CHP1: variants seen among roughly 807,000 people sequenced by gnomAD.
CHP1 encodes the protein calcineurin like EF-hand protein 1.
A neutral mutation model predicts 27.4 loss-of-function variants in CHP1; 11 were observed. The observed-to-expected ratio is 0.40, with a 90% CI of 0.25 to 0.67. CHP1 has a LOEUF of 0.67. CHP1 is among the 30% of genes least tolerant of loss of function. The pLI, the probability that CHP1 is intolerant of heterozygous loss-of-function variation, is 0.38. For synonymous variants in CHP1, 89 were observed against 87.4 expected, an observed-to-expected ratio of 1.02 and a Z score of -0.10; for missense variants, 169 against 251.3, an observed-to-expected ratio of 0.67 and a Z score of 2.22.
intron 2 of CHP1, among the ~76,000 whole-genome samples, chr15:41,246,445 G>A (rs892744061): frequency 6.6e-6 from 1 of 151,042 alleles, no homozygotes; most frequent in African/African-American, 2.4e-5. Context: ...TCAGCTTCCT[G>A]AGTAGCTAGG....
At chr15:41,279,305 C>T in intron 6 of CHP1, 31 bp from the exon 7 acceptor site, 3 of 1,573,258 alleles carry the variant, frequency 1.9e-6, no homozygotes, top group South Asian at 1.1e-5. Flanking sequence ...TCTTCATAAC[C>T]TTTGTAACTG....
At position 41,279,362 on chromosome 15, in the gene CHP1, G is replaced by C. The variant is rs2047534848; in HGVS notation, c.561G>C (p.Gln187His). 3 of 1,613,626 alleles carry C rather than the reference G, an allele frequency of 1.9e-6. No homozygotes were observed. Among genetic ancestry groups the C allele is most frequent in the South Asian group, 2.2e-5 (2 of 91,060 alleles). Residue 187 changes from glutamine (Q) to histidine (H), a missense_variant, in exon 7 of 7, where the codon CAG (glutamine) becomes CAC (histidine). Physicochemically the swap from Gln to His is conservative, Grantham distance 24. Coordinates refer to ENST00000334660, the MANE Select transcript of CHP1 (RefSeq NM_007236.5). The stretch of plus-strand genomic sequence containing the variant: ...TTTTGGAGAAGGTGGATGTAGAACA[G>C]AAAATGAGCATCCGATTTCTTCACT... ...VKVLEKVDVE[Q>H]KMSIRFLH
chr15:41,281,751 G>A lies in CHP1; in HGVS notation c.*2362G>A, dbSNP rs1229869538. 6.6e-6 allele frequency: 1 copy of A among 152,582 alleles called. No individual in the cohort carries two copies. The highest frequency in any genetic ancestry group is 1.9e-4 in the East Asian group (1 of 5,200). The allele number at this position is 152,582 out of a possible 1,614,324, so 9.5% of individuals were successfully genotyped here. ...GAGGTACTTTAGAGGCTTCTTGATT[G>A]GCATAAAGTTCCTAAGGTTATAGAT... On this transcript the variant is annotated 3_prime_UTR_variant, in exon 7 of 7. Coordinates refer to ENST00000334660, the MANE Select transcript of CHP1 (RefSeq NM_007236.5).
chr15:41,263,067 A>G (rs1317020337), intron 4 of CHP1, among the ~76,000 whole-genome samples, 184 bp downstream of exon 4: 1 of 152,212 alleles, frequency 6.6e-6, no homozygotes, highest in Non-Finnish European at 1.5e-5. Flanking sequence ...GACTTTGGGC[A>G]AGGTACTTAA....
intron 2 of CHP1, among the ~76,000 whole-genome samples, chr15:41,249,212 C>T (rs1370489114): frequency 6.6e-6 from 1 of 152,144 alleles, no homozygotes; most frequent in Admixed American, 6.6e-5. Flanking sequence ...CAGGGTCTGA[C>T]TCTATTGCCC....
At chr15:41,240,855 T>C (rs1409898904) in intron 1 of CHP1, among the ~76,000 whole-genome samples, 1 of 127,400 alleles carries the variant, frequency 7.8e-6, no homozygotes, top group Non-Finnish European at 1.6e-5. Flanking sequence ...GGAAACTTAG[T>C]AATTCTTTTT....
chr15:41,234,366 C>T (rs549028847), intron 1 of CHP1: 2 of 152,272 alleles, frequency 1.3e-5, no homozygotes, highest in South Asian at 2.1e-4. Flanking sequence ...TTTCATCTGC[C>T]TTTTCTTCTA....
At chr15:41,267,947 A>AAAG (rs1555421284) in intron 4 of CHP1, among the ~76,000 whole-genome samples, 1 of 150,724 alleles carries the variant, frequency 6.6e-6, no homozygotes, top group Non-Finnish European at 1.5e-5. Context: ...AAAAAAAAAA[A>AAAG]GCATAAAAAA....
chr15:41,252,059 T>A (rs2047371465), intron 2 of CHP1, among the ~76,000 whole-genome samples: 1 of 152,040 alleles, frequency 6.6e-6, no homozygotes, highest in South Asian at 2.1e-4. Flanking sequence ...CCATTTAATT[T>A]AAAAATACTG....
chr15:41,251,324 G>A (rs1351988581), intron 2 of CHP1, among the ~76,000 whole-genome samples: 1 of 152,106 alleles, frequency 6.6e-6, no homozygotes, highest in Non-Finnish European at 1.5e-5. Context: ...TCCCCAAAGG[G>A]TAATCATTAT....
chr15:41,271,427 C>A (rs1380497791), intron 5 of CHP1, among the ~76,000 whole-genome samples: 1 of 151,712 alleles, frequency 6.6e-6, no homozygotes, highest in East Asian at 1.9e-4. Flanking sequence ...AAACTCCATC[C>A]CAAAAAAGAA....
intron 2 of CHP1, among the ~76,000 whole-genome samples, chr15:41,252,660 G>C (rs1406441271): frequency 6.6e-6 from 1 of 152,118 alleles, no homozygotes; most frequent in Admixed American, 6.6e-5. Flanking sequence ...TAGAGGGATG[G>C]CATGTCTGGT....
At chr15:41,245,865 A>G (rs2047331962) in intron 2 of CHP1, among the ~76,000 whole-genome samples, 2 of 152,196 alleles carry the variant, frequency 1.3e-5, no homozygotes, top group Admixed American at 6.5e-5. Context: ...TATCATATAT[A>G]AGAAACCATT....
chr15:41,256,238 A>G (rs2047400186), intron 2 of CHP1, among the ~76,000 whole-genome samples: 1 of 152,212 alleles, frequency 6.6e-6, no homozygotes, highest in Non-Finnish European at 1.5e-5. Flanking sequence ...AGAGCAGCAC[A>G]TGATATATAT....
intron 6 of CHP1, 63 bp from the exon 7 acceptor site, chr15:41,279,273 T>G: frequency 7.6e-7 from 1 of 1,314,570 alleles, no homozygotes; most frequent in Non-Finnish European, 1.1e-6. Flanking sequence ...ATTACTCAGA[T>G]AAGAGCTTGG....
chr15:41,242,375 C>T (rs1034167068), intron 1 of CHP1, among the ~76,000 whole-genome samples: 1 of 152,098 alleles, frequency 6.6e-6, no homozygotes, highest in African/African-American at 2.4e-5. Context: ...CCTACCTAGC[C>T]GTACACATCA....
intron 1 of CHP1, 68 bp from the exon 2 acceptor site, chr15:41,243,599 G>A: frequency 7.9e-7 from 1 of 1,264,316 alleles, no homozygotes; most frequent in Non-Finnish European, 1.1e-6. Flanking sequence ...GCATTTGACA[G>A]CGAGGGGTGG....
chr15:41,266,977 G>A (rs890018075), intron 4 of CHP1, among the ~76,000 whole-genome samples: 2 of 151,996 alleles, frequency 1.3e-5, no homozygotes, highest in Non-Finnish European at 2.9e-5. Context: ...TCTAGCTTGG[G>A]CGACAGAGCA....
At chr15:41,268,958 TCAA>T (rs758203101) in intron 4 of CHP1, among the ~76,000 whole-genome samples, 3 of 152,030 alleles carry the variant, frequency 2.0e-5, no homozygotes, top group Admixed American at 6.6e-5. Flanking sequence ...AGACTCTGTC[TCAA>T]CAACAACAAC....
Sources: allele counts gnomAD v4.1 joint callset (sites outside exome capture counted in the v4.1 genomes callset), GRCh38; gene constraint gnomAD v4.1.1; transcripts MANE v1.5; gene names NCBI Gene and HGNC (gene_info 2026-07-23, HGNC 2026-07-21).